Variants in TBL1X observed in about 807,000 individuals in gnomAD.
The protein encoded by TBL1X is F-box-like/WD repeat-containing protein TBL1X.
TBL1X carries 10 observed loss-of-function variants against 50.7 expected under a neutral mutation model. The ratio of observed to expected loss-of-function variants is 0.20; its 90% CI spans 0.12 to 0.33. TBL1X has a LOEUF of 0.33. Among genes scored for constraint, TBL1X ranks in the 10% least tolerant of loss-of-function variants. The pLI is 1.00. For missense variants in TBL1X, 340 were observed against 504.4 expected (o/e 0.67, Z 3.12); for synonymous variants, 190 against 214.7 (o/e 0.88, Z 1.01).
At position 9,498,193 on chromosome X, in the gene TBL1X, A is replaced by G. The variant is rs61190767; in HGVS notation, c.-200-3587A>G. On this transcript the variant is annotated intron_variant, in intron 1 of 17. Coordinates refer to ENST00000645353, the MANE Select transcript of TBL1X (RefSeq NM_005647.4). ...ATGGATACCTACACATAGTTTTATC[A>G]GTAAAGGTCATTGACATAATCAGTG... 2.1e-3 allele frequency among the ~76,000 whole-genome samples: 231 copies of G among 112,066 alleles called. 1 individual carries two copies. The highest frequency in any genetic ancestry group is 7.2e-3 in the African/African-American group (222 of 30,827).
intron 2 of TBL1X, among the ~76,000 whole-genome samples, chrX:9,566,147 G>A (rs190388912): frequency 2.7e-5 from 3 of 111,894 alleles, no homozygotes; most frequent in East Asian, 2.8e-4. Context: ...ATTGATTGAC[G>A]TTTGTGTCAA....
chrX:9,495,022 A>G (rs917646656), intron 1 of TBL1X, among the ~76,000 whole-genome samples: 5 of 111,387 alleles, frequency 4.5e-5, no homozygotes, highest in African/African-American at 1.6e-4. Flanking sequence ...GCTGAGTCAT[A>G]GGAATTGAAG....
chrX:9,685,642 A>C (rs899231277), intron 6 of TBL1X, among the ~76,000 whole-genome samples: 1 of 109,912 alleles, frequency 9.1e-6, no homozygotes, highest in Non-Finnish European at 1.9e-5. Context: ...CCTTCACAGC[A>C]TGTTACACTG....
intron 1 of TBL1X, among the ~76,000 whole-genome samples, chrX:9,475,544 C>A (rs2081844549): frequency 9.2e-6 from 1 of 108,323 alleles, no homozygotes; most frequent in Admixed American, 9.7e-5. Flanking sequence ...CCACGCCTGG[C>A]CTCATTAGGT....
At chrX:9,526,157 A>G (rs746287348) in intron 2 of TBL1X, among the ~76,000 whole-genome samples, 104 of 104,518 alleles carry the variant, frequency 1.0e-3, no homozygotes, top group African/African-American at 3.4e-3. Flanking sequence ...GGGGGAGGGG[A>G]GAGAGAGAGA....
rs1409669072 is a variant in TBL1X, at chrX:9,498,203, A to T, written c.-200-3577A>T. Among the ~76,000 whole-genome samples the T allele has an allele frequency of 3.6e-5, 4 of 112,071 alleles. No individual in the cohort carries two copies. In the South Asian group the frequency reaches 1.5e-3, roughly 41 times the overall value. The stretch of plus-strand genomic sequence containing the variant: ...ACACATAGTTTTATCAGTAAAGGTC[A>T]TTGACATAATCAGTGTGTTGTGAGA... On this transcript the variant is annotated intron_variant, in intron 1 of 17. Transcript: ENST00000645353.
chrX:9,701,167 G>A (rs763838625), intron 12 of TBL1X, among the ~76,000 whole-genome samples: 4 of 111,469 alleles, frequency 3.6e-5, no homozygotes, highest in East Asian at 5.6e-4. Context: ...ACAACGCTAC[G>A]GCTACGCGAA....
chrX:9,563,004 A>G (rs1010116628), intron 2 of TBL1X, among the ~76,000 whole-genome samples: 15 of 112,441 alleles, frequency 1.3e-4, no homozygotes, highest in Non-Finnish European at 2.6e-4. Flanking sequence ...ACAGTTTGCT[A>G]TATCTGTGGT....
intron 2 of TBL1X, among the ~76,000 whole-genome samples, chrX:9,531,629 G>A (rs1036076959): frequency 9.1e-6 from 1 of 110,463 alleles, no homozygotes; most frequent in Non-Finnish European, 1.9e-5. Flanking sequence ...TCTGTGCGGG[G>A]CGCTGTGGCT....
At chrX:9,663,445 T>C (rs2082909988) in intron 5 of TBL1X, among the ~76,000 whole-genome samples, 1 of 111,084 alleles carries the variant, frequency 9.0e-6, no homozygotes, top group African/African-American at 3.3e-5. Flanking sequence ...ATGTGCCGAG[T>C]AGAACAGGCC....
At chrX:9,504,166 T>C (rs961913762) in intron 2 of TBL1X, among the ~76,000 whole-genome samples, 14 of 110,931 alleles carry the variant, frequency 1.3e-4, no homozygotes, top group African/African-American at 4.3e-4. Flanking sequence ...GGCCTGAAGG[T>C]GAACCACCAG....
At chrX:9,510,810 G>A (rs989066423) in intron 2 of TBL1X, among the ~76,000 whole-genome samples, 2 of 112,051 alleles carry the variant, frequency 1.8e-5, no homozygotes, top group Non-Finnish European at 3.8e-5. Context: ...CCAGTATCCT[G>A]CCTTTGGATT....
At chrX:9,709,806 A>G in intron 15 of TBL1X, 46 bp downstream of exon 15, 5 of 1,193,688 alleles carry the variant, frequency 4.2e-6, no homozygotes, top group Non-Finnish European at 5.6e-6. Context: ...TTACACAAAG[A>G]CAACAGGAAA....
chrX:9,516,349 G>A (rs2082080742), intron 2 of TBL1X, among the ~76,000 whole-genome samples: 1 of 111,958 alleles, frequency 8.9e-6, no homozygotes, highest in South Asian at 3.7e-4. Flanking sequence ...GAGAAAGCAA[G>A]AGATAAGTGG....
intron 2 of TBL1X, among the ~76,000 whole-genome samples, chrX:9,589,916 A>AGG (rs1187332970): frequency 8.9e-6 from 1 of 111,993 alleles, no homozygotes. Flanking sequence ...CATCACGATG[A>AGG]GGGCATGTTG....
intron 2 of TBL1X, among the ~76,000 whole-genome samples, chrX:9,544,066 A>G (rs768362224): frequency 1.2e-3 from 139 of 111,771 alleles, no homozygotes; most frequent in African/African-American, 4.4e-3. Context: ...TTTTGCAAGG[A>G]GTTGGGGCAA....
intron 8 of TBL1X, 21 bp downstream of exon 8, chrX:9,691,732 G>GC: frequency 8.3e-7 from 1 of 1,208,534 alleles, no homozygotes; most frequent in Non-Finnish European, 1.1e-6. Context: ...CAGGGTGGGG[G>GC]GCGCTCCAGA....
At chrX:9,476,122 T>C (rs1048968099) in intron 1 of TBL1X, among the ~76,000 whole-genome samples, 6 of 112,147 alleles carry the variant, frequency 5.4e-5, no homozygotes, top group Non-Finnish European at 1.1e-4. Context: ...AGGCACTCAC[T>C]GTGAAGAGAG....
intron 1 of TBL1X, among the ~76,000 whole-genome samples, chrX:9,480,122 T>G (rs1442658475): frequency 9.0e-6 from 1 of 111,146 alleles, no homozygotes; most frequent in Non-Finnish European, 1.9e-5. Context: ...CTCCGGCTAA[T>G]TTTGTATTTT....
Sources: gnomAD v4.1 joint callset for allele counts (sites outside exome capture counted in the v4.1 genomes callset) on GRCh38, gnomAD v4.1.1 for gene constraint, MANE v1.5 for transcripts, NCBI Gene and HGNC (gene_info 2026-07-23, HGNC 2026-07-21) for gene names.